Variants in ACVR1B observed in about 807,000 individuals in gnomAD.
ACVR1B encodes activin A receptor type 1B, also known as activin receptor type-1B.
ACVR1B carries 15 observed loss-of-function variants against 55.6 expected under a neutral mutation model. That is an observed-to-expected ratio of 0.27 (90% CI 0.18 to 0.42). The LOEUF is 0.42. Among genes scored for constraint, ACVR1B ranks in the 10% least tolerant of loss-of-function variants. The pLI, the probability that ACVR1B is intolerant of heterozygous loss-of-function variation, is 1.00. For missense variants in ACVR1B, 359 were observed against 670.1 expected (o/e 0.54, Z 5.13); for synonymous variants, 247 against 254.6 (o/e 0.97, Z 0.28).
At chr12:51,966,558 T>A (rs1195210665) in intron 1 of ACVR1B, among the ~76,000 whole-genome samples, 2 of 152,144 alleles carry the variant, frequency 1.3e-5, no homozygotes, top group Non-Finnish European at 2.9e-5. Flanking sequence ...AAGCAATCCT[T>A]CCACCTCAGC....
chr12:51,971,421 C>T (rs1312393568), intron 1 of ACVR1B, among the ~76,000 whole-genome samples: 1 of 152,124 alleles, frequency 6.6e-6, no homozygotes. Flanking sequence ...TTTTGTTACT[C>T]CTGTGATTTG....
chr12:51,982,293 G>A (rs1185067696), intron 4 of ACVR1B, among the ~76,000 whole-genome samples: 1 of 152,254 alleles, frequency 6.6e-6, no homozygotes, highest in African/African-American at 2.4e-5. Context: ...TGTGGGTGGA[G>A]AGGGAGGCAG....
At chr12:51,975,213 C>T in intron 1 of ACVR1B, 52 bp from the exon 2 acceptor site, 3 of 1,576,990 alleles carry the variant, frequency 1.9e-6, no homozygotes, top group Non-Finnish European at 2.6e-6. Context: ...GGAAAAGGAC[C>T]TGCAAAAGAT....
intron 1 of ACVR1B, among the ~76,000 whole-genome samples, chr12:51,967,287 G>A (rs957229430): frequency 6.7e-6 from 1 of 149,828 alleles, no homozygotes; most frequent in East Asian, 2.0e-4. Flanking sequence ...AAGGTGGTGC[G>A]GTGGCTCACA....
At chr12:51,991,429 T>C (rs1942189339) in intron 7 of ACVR1B, among the ~76,000 whole-genome samples, 1 of 152,192 alleles carries the variant, frequency 6.6e-6, no homozygotes, top group East Asian at 1.9e-4. Flanking sequence ...TGAGACAGAG[T>C]CTTGCACTCT....
intron 1 of ACVR1B, among the ~76,000 whole-genome samples, chr12:51,974,081 G>T (rs1373627645): frequency 6.6e-6 from 1 of 152,152 alleles, no homozygotes; most frequent in African/African-American, 2.4e-5. Context: ...CATCTCCAGG[G>T]TCCATAGTGT....
intron 7 of ACVR1B, among the ~76,000 whole-genome samples, chr12:51,989,812 C>T (rs981395832): frequency 1.3e-5 from 2 of 151,924 alleles, no homozygotes; most frequent in East Asian, 1.9e-4. Context: ...AGTGAAACCC[C>T]GTCTGTACTA....
chr12:51,972,137 T>G (rs976699086), intron 1 of ACVR1B, among the ~76,000 whole-genome samples: 1 of 152,224 alleles, frequency 6.6e-6, no homozygotes, highest in African/African-American at 2.4e-5. Flanking sequence ...CTGGGCGTGG[T>G]GGCACATGCT....
intron 8 of ACVR1B, 128 bp from the exon 9 acceptor site, chr12:51,993,857 C>G (rs1053651658): frequency 9.0e-7 from 1 of 1,108,660 alleles, no homozygotes; most frequent in Non-Finnish European, 1.2e-6. Flanking sequence ...TAAGGTCGGC[C>G]GCCGGGTGGA....
intron 8 of ACVR1B, among the ~76,000 whole-genome samples, chr12:51,993,426 C>T (rs1196102301): frequency 2.6e-5 from 4 of 152,108 alleles, no homozygotes; most frequent in African/African-American, 7.2e-5. Context: ...AAGAGCTGGC[C>T]GTTAGCTGCA....
At chr12:51,976,142 A>C (rs1008799286) in intron 2 of ACVR1B, among the ~76,000 whole-genome samples, 185 bp from the exon 3 acceptor site, 1 of 146,724 alleles carries the variant, frequency 6.8e-6, no homozygotes, top group African/African-American at 2.7e-5. Flanking sequence ...CCTTAACTAA[A>C]GAAGTTGGGC....
chr12:51,982,807 G>A, intron 4 of ACVR1B: 1 of 1,516,120 alleles, frequency 6.6e-7, no homozygotes, highest in Non-Finnish European at 8.8e-7. Flanking sequence ...TATTCCCACT[G>A]AGTAAGCTAT....
At chr12:51,987,031 A>ACCTGTTGGATG (rs767621245) in intron 7 of ACVR1B, 89 bp downstream of exon 7, 1 of 1,567,234 alleles carries the variant, frequency 6.4e-7, no homozygotes, top group Admixed American at 1.7e-5. Flanking sequence ...TCTTTTTACA[A>ACCTGTTGGATG]CCTGTTGGAT....
intron 1 of ACVR1B, among the ~76,000 whole-genome samples, chr12:51,970,319 G>C (rs1311920916): frequency 6.6e-6 from 1 of 152,162 alleles, no homozygotes; most frequent in African/African-American, 2.4e-5. Flanking sequence ...TTGGAGATGT[G>C]CTCCATCGTT....
In ACVR1B at chr12:51,987,142, A is replaced by C. The variant is rs148216447; in HGVS notation, c.1261+200A>C. 2.3e-4 allele frequency: 177 copies of C among 753,572 alleles called. No homozygotes were observed. In the African/African-American group the frequency reaches 2.9e-3, roughly 12 times the overall value. 46.7% of individuals were successfully genotyped at this position (753,572 alleles called of 1,614,324 possible). On this transcript the variant is annotated intron_variant, in intron 7 of 8. Coordinates refer to ENST00000257963, the MANE Select transcript of ACVR1B (RefSeq NM_004302.5). Reference sequence around the variant, plus strand: ...TATTCTTCAGGGATCAGTTTGTTGAATAGCGTTGTGTGTTATGGTAACCAT... The same window carrying C: ...TATTCTTCAGGGATCAGTTTGTTGACTAGCGTTGTGTGTTATGGTAACCAT...
At chr12:51,984,211 A>C (rs377320192) in intron 5 of ACVR1B, 45 bp downstream of exon 5, 250 of 1,607,484 alleles carry the variant, frequency 1.6e-4, no homozygotes, top group Non-Finnish European at 2.0e-4. Context: ...TAGGCATGAA[A>C]GGTCCGCAGT....
intron 3 of ACVR1B, among the ~76,000 whole-genome samples, chr12:51,977,429 C>CT (rs1941882709): frequency 6.6e-6 from 1 of 152,078 alleles, no homozygotes; most frequent in Non-Finnish European, 1.5e-5. Context: ...TCCTGAGTAG[C>CT]TGGGATTACA....
chr12:51,951,730 C>CGGTGGT lies in ACVR1B; in HGVS notation c.-12_-11insTGGTGG. On this transcript the variant is annotated 5_prime_UTR_variant, in exon 1 of 9. Transcript: ENST00000257963. Reference sequence around the variant, plus strand: ...TGCTGGGCTGCGGCGGCGGCGGCGGCGGCGGTGGTTACTATGGCGGAGTCG... The same window carrying CGGTGGT: ...TGCTGGGCTGCGGCGGCGGCGGCGGCGGTGGTGGCGGTGGTTACTATGGCGGAGTCG... 8.2e-7 allele frequency: 1 copy of CGGTGGT among 1,224,338 alleles called. No individual in the cohort carries two copies. 75.8% of individuals were successfully genotyped at this position (1,224,338 alleles called of 1,614,324 possible).
intron 7 of ACVR1B, chr12:51,987,231 G>T (rs551699256): frequency 9.3e-6 from 6 of 646,936 alleles, no homozygotes; most frequent in Middle Eastern, 2.5e-4. Flanking sequence ...GGCGGGGAGT[G>T]CCCCGGTGCG....
Sources: allele counts gnomAD v4.1 joint callset (sites outside exome capture counted in the v4.1 genomes callset), GRCh38; gene constraint gnomAD v4.1.1; transcripts MANE v1.5; gene names NCBI Gene and HGNC (gene_info 2026-07-23, HGNC 2026-07-21).